The following APC variants were observed in gnomAD, a reference collection of about 807,000 sequenced individuals.
The protein encoded by APC is adenomatous polyposis coli protein.
Under a neutral mutation model 247.0 loss-of-function variants are expected in APC, and 72 were observed. The observed-to-expected ratio is 0.29, with a 90% CI of 0.24 to 0.35. APC has a LOEUF of 0.35. Among genes scored for constraint, APC ranks in the 10% least tolerant of loss-of-function variants. The pLI, the probability that APC is intolerant of heterozygous loss-of-function variation, is 1.00. For missense variants in APC, 3,400 were observed against 3,360.7 expected (o/e 1.01, Z -0.29); for synonymous variants, 1,254 against 1,162.5 (o/e 1.08, Z -1.60).
chr5:112,778,482 A>G (rs1033357859), intron 5 of APC: 9 of 151,464 alleles, frequency 5.9e-5, no homozygotes, highest in Non-Finnish European at 2.9e-5. Context: ...AAAAAAAAAA[A>G]GAAAATTATA....
intron 1 of APC, among the ~76,000 whole-genome samples, chr5:112,727,438 A>T (rs1166570587): frequency 6.6e-6 from 1 of 152,206 alleles, no homozygotes; most frequent in African/African-American, 2.4e-5. Flanking sequence ...GTATAAGAAC[A>T]AAAGTCTTTT....
chr5:112,756,358 A>G lies in APC; in HGVS notation c.135+1333A>G, dbSNP rs191839056. On this transcript the variant is annotated intron_variant, in intron 2 of 15. Transcript: ENST00000257430. Reference sequence around the variant, plus strand: ...AATCCCTTGGGAAATAAGGTAGACTATAAACAAACATTTTATTCTTTCCAC... The same window carrying G: ...AATCCCTTGGGAAATAAGGTAGACTGTAAACAAACATTTTATTCTTTCCAC... Among the ~76,000 whole-genome samples, 3 of 151,362 alleles carry G rather than the reference A, an allele frequency of 2.0e-5. No homozygotes were observed. In the East Asian group the frequency reaches 5.9e-4, roughly 30 times the overall value.
In APC at chr5:112,838,344, A is replaced by G; in HGVS notation, c.2750A>G (p.Asp917Gly). Residue 917 changes from aspartate to glycine, a missense_variant, in exon 16 of 16, where the codon GAT (aspartate) becomes GGT (glycine). Physicochemically the swap from Asp to Gly is moderately conservative, Grantham distance 94. Coordinates refer to ENST00000257430, the MANE Select transcript of APC (RefSeq NM_000038.6). ...ACCACTGAATTACATTGTGTGACAG[A>G]TGAGAGAAATGCACTTAGAAGAAGC... ...GSTTELHCVTDERNALRRSSA... is the reference protein window; with the variant it reads ...GSTTELHCVTGERNALRRSSA... The G allele has an allele frequency of 6.2e-7, 1 of 1,614,208 alleles. No individual in the cohort carries two copies. Among genetic ancestry groups the G allele is most frequent in the Admixed American group, 1.7e-5 (1 of 60,028 alleles).
chr5:112,786,565 G>A (rs939040577), intron 6 of APC, among the ~76,000 whole-genome samples: 1 of 152,132 alleles, frequency 6.6e-6, no homozygotes, highest in African/African-American at 2.4e-5. Flanking sequence ...GGAATTGGTG[G>A]GGTGAAGGTG....
At chr5:112,707,980 GTGGCTCTCTTCTCTCCA>G in intron 1 of APC, 1 of 1,199,176 alleles carries the variant, frequency 8.3e-7, no homozygotes, top group Non-Finnish European at 1.1e-6. Context: ...GCCCGACTCT[GTGGCTCTCTTCTCTCCA>G]TGTCTCACCC....
At chr5:112,778,628 C>G (rs1757970074) in intron 5 of APC, among the ~76,000 whole-genome samples, 1 of 150,916 alleles carries the variant, frequency 6.6e-6, no homozygotes, top group Non-Finnish European at 1.5e-5. Flanking sequence ...CTCACTGCAA[C>G]CTCTGACTCC....
chr5:112,760,306 A>C (rs1755510648), intron 2 of APC, among the ~76,000 whole-genome samples: 1 of 152,174 alleles, frequency 6.6e-6, no homozygotes, highest in African/African-American at 2.4e-5. Flanking sequence ...CATTTTTACC[A>C]TGAGATATTG....
intron 1 of APC, among the ~76,000 whole-genome samples, chr5:112,744,352 T>C (rs1201561308): frequency 6.6e-6 from 1 of 152,212 alleles, no homozygotes; most frequent in Non-Finnish European, 1.5e-5. Context: ...AATGCACCCT[T>C]TCTGTTCATT....
At chr5:112,816,343 T>C (rs971697707) in intron 9 of APC, among the ~76,000 whole-genome samples, 10 of 152,234 alleles carry the variant, frequency 6.6e-5, no homozygotes, top group South Asian at 2.1e-4. Flanking sequence ...TTGCTGTGTC[T>C]AACAGAGTGC....
intron 5 of APC, chr5:112,778,256 G>C (rs1757898646): frequency 6.4e-6 from 1 of 155,320 alleles, no homozygotes; most frequent in Non-Finnish European, 1.4e-5. Flanking sequence ...TAGGTCTGCA[G>C]TGTTCTGTAA....
chr5:112,827,851 A>T, intron 12 of APC, 78 bp from the exon 13 acceptor site: 1 of 1,141,024 alleles, frequency 8.8e-7, no homozygotes, highest in Non-Finnish European at 1.3e-6. Context: ...AAACTGAATT[A>T]GACATTTAGT....
chr5:112,831,781 A>C (rs765340688), intron 14 of APC, among the ~76,000 whole-genome samples: 2 of 152,194 alleles, frequency 1.3e-5, no homozygotes. Flanking sequence ...AGTTCTCTAG[A>C]AGAAGCCCAA....
At chr5:112,751,819 C>A (rs931657309) in intron 1 of APC, among the ~76,000 whole-genome samples, 1 of 151,802 alleles carries the variant, frequency 6.6e-6, no homozygotes, top group Admixed American at 6.6e-5. Flanking sequence ...TAGAATGGTA[C>A]CCTGACTGTA....
At chr5:112,721,273 G>T (rs1209482575) in intron 1 of APC, among the ~76,000 whole-genome samples, 1 of 152,048 alleles carries the variant, frequency 6.6e-6, no homozygotes, top group East Asian at 1.9e-4. Context: ...AATTAGCCAG[G>T]CATGGTGGCG....
intron 10 of APC, among the ~76,000 whole-genome samples, chr5:112,820,051 C>T (rs939792059): frequency 6.6e-6 from 1 of 152,070 alleles, no homozygotes; most frequent in Admixed American, 6.6e-5. Flanking sequence ...ACCCTTAGAC[C>T]TCAGCCCCAC....
intron 2 of APC, among the ~76,000 whole-genome samples, chr5:112,756,155 T>C (rs1025623327): frequency 2.0e-5 from 3 of 152,228 alleles, no homozygotes; most frequent in Admixed American, 2.0e-4. Context: ...TGTGTGTCAC[T>C]GAGGTAACTG....
At chr5:112,832,969 T>C (rs997732006) in intron 14 of APC, among the ~76,000 whole-genome samples, 2 of 152,120 alleles carry the variant, frequency 1.3e-5, no homozygotes, top group African/African-American at 4.8e-5. Context: ...GTTTGTTTCC[T>C]GATGGATATA....
At chr5:112,786,261 G>GT (rs149405312) in intron 6 of APC, among the ~76,000 whole-genome samples, 26,910 of 151,972 alleles carry the variant, frequency 0.18, 3,073 homozygotes, top group Non-Finnish European at 0.24. Flanking sequence ...CCTAACCCAT[G>GT]TTTTTTAATG....
chr5:112,799,311 G>A (rs1345446905), intron 7 of APC, among the ~76,000 whole-genome samples: 2 of 151,582 alleles, frequency 1.3e-5, no homozygotes, highest in African/African-American at 2.4e-5. Flanking sequence ...TCCTCCCTCA[G>A]TATTACCTAT....
Sources: gnomAD v4.1 joint callset for allele counts (sites outside exome capture counted in the v4.1 genomes callset) on GRCh38, gnomAD v4.1.1 for gene constraint, MANE v1.5 for transcripts, NCBI Gene and HGNC (gene_info 2026-07-23, HGNC 2026-07-21) for gene names.